SPINK8: variants seen among roughly 807,000 people sequenced by gnomAD.
The protein encoded by SPINK8 is serine protease inhibitor Kazal-type 8.
Under a neutral mutation model 14.4 loss-of-function variants are expected in SPINK8, and 12 were observed. The observed-to-expected ratio is 0.83, with a 90% confidence interval of 0.53 to 1.35. SPINK8 has a LOEUF of 1.35. Ranked by LOEUF, SPINK8 falls within the 40% of genes most tolerant of loss-of-function variation. SPINK8 has a pLI of 0.00. For missense variants in SPINK8, 103 were observed against 117.0 expected (o/e 0.88, Z 0.55); for synonymous variants, 32 against 37.6 (o/e 0.85, Z 0.55).
chr3:48,307,725 C>A (rs1398544841), intron 7 of SPINK8, among the ~76,000 whole-genome samples: 1 of 151,948 alleles, frequency 6.6e-6, no homozygotes, highest in East Asian at 1.9e-4. Context: ...TGAGTTCATT[C>A]AAGTGTACAT....
intron 7 of SPINK8, 53 bp from the exon 8 acceptor site, chr3:48,307,056 A>G: frequency 6.4e-7 from 1 of 1,564,962 alleles, no homozygotes; most frequent in Non-Finnish European, 8.8e-7. Flanking sequence ...GTTAAGAGAA[A>G]AGCCACCACA....
intron 6 of SPINK8, among the ~76,000 whole-genome samples, chr3:48,310,424 T>C (rs919020719): frequency 2.6e-5 from 4 of 151,764 alleles, no homozygotes; most frequent in Non-Finnish European, 5.9e-5. Context: ...CAAGTAAAGA[T>C]ACTGAATCAG....
intron 6 of SPINK8, among the ~76,000 whole-genome samples, chr3:48,317,221 G>T (rs1023827264): frequency 6.6e-6 from 1 of 152,216 alleles, no homozygotes; most frequent in African/African-American, 2.4e-5. Context: ...GGGTGTAGTG[G>T]CTCATGCCTG....
intron 7 of SPINK8, among the ~76,000 whole-genome samples, chr3:48,307,644 A>G (rs1449393461): frequency 6.8e-6 from 1 of 146,404 alleles, no homozygotes; most frequent in Non-Finnish European, 1.5e-5. Context: ...GTTCATCATT[A>G]TGGTTGGCTC....
chr3:48,325,918 T>TC (rs1553787981), intron 4 of SPINK8, among the ~76,000 whole-genome samples: 2 of 150,448 alleles, frequency 1.3e-5, no homozygotes, highest in African/African-American at 4.9e-5. Flanking sequence ...TTCTTTTCTT[T>TC]TTTTTTTTTT....
intron 6 of SPINK8, among the ~76,000 whole-genome samples, chr3:48,314,641 T>A (rs1182984522): frequency 6.6e-6 from 1 of 152,224 alleles, no homozygotes; most frequent in African/African-American, 2.4e-5. Context: ...AAGCTTTTAT[T>A]TGACCATACT....
At chr3:48,308,414 G>A (rs991377594) in intron 7 of SPINK8, among the ~76,000 whole-genome samples, 1 of 152,140 alleles carries the variant, frequency 6.6e-6, no homozygotes, top group African/African-American at 2.4e-5. Context: ...AAATTTTCAG[G>A]TGGTCTCCTA....
chr3:48,312,725 G>A (rs1237422215), intron 6 of SPINK8, among the ~76,000 whole-genome samples: 4 of 151,746 alleles, frequency 2.6e-5, no homozygotes, highest in African/African-American at 4.8e-5. Flanking sequence ...GGGGCCGGGC[G>A]TGGTGGCTCA....
At chr3:48,324,443 C>G (rs2036113495) in intron 4 of SPINK8, among the ~76,000 whole-genome samples, 1 of 152,146 alleles carries the variant, frequency 6.6e-6, no homozygotes, top group African/African-American at 2.4e-5. Flanking sequence ...TTACTTCTTC[C>G]AATCCTATCT....
Position 48,309,781 on chromosome 3 carries a change from G to A in SPINK8, c.282+123C>T, listed in dbSNP as rs147469925. 1.7e-4 allele frequency: 216 copies of A among 1,286,712 alleles called. No homozygotes were observed. In the African/African-American group the frequency reaches 3.2e-3, roughly 19 times the overall value. The allele number at this position is 1,286,712 out of a possible 1,614,324, so 79.7% of individuals were successfully genotyped here. A position where few individuals can be genotyped will look rare whatever the true frequency, so the allele number is the denominator to read the frequency against. On this transcript the variant is annotated intron_variant, in intron 7 of 7. Coordinates refer to ENST00000434006, the MANE Select transcript of SPINK8 (RefSeq NM_001080525.3). ...TGATAGGCTTATGGGATCTATTATT[G>A]GCTCTACTTTTATGTATGTTTGAAA...
intron 6 of SPINK8, among the ~76,000 whole-genome samples, chr3:48,312,475 T>G (rs1265070012): frequency 6.6e-6 from 1 of 151,734 alleles, no homozygotes; most frequent in African/African-American, 2.4e-5. Context: ...AAACCCAATC[T>G]CTATTAAAAA....
At chr3:48,311,948 A>G (rs1466053468) in intron 6 of SPINK8, among the ~76,000 whole-genome samples, 1 of 152,186 alleles carries the variant, frequency 6.6e-6, no homozygotes, top group Non-Finnish European at 1.5e-5. Context: ...TTGAAAAAGA[A>G]ACAAAATTGG....
At chr3:48,310,607 C>T (rs991332527) in intron 6 of SPINK8, among the ~76,000 whole-genome samples, 1 of 151,746 alleles carries the variant, frequency 6.6e-6, no homozygotes, top group Non-Finnish European at 1.5e-5. Context: ...AAGCAATTCT[C>T]CTGCCTCAGC....
rs372156879 is a variant in SPINK8, at chr3:48,308,353, C to T, written c.283-1350G>A. Among the ~76,000 whole-genome samples, 188 of 152,252 alleles carry T rather than the reference C, an allele frequency of 1.2e-3. 3 individuals are homozygous for T. The highest frequency in any genetic ancestry group is 3.2e-3 in the African/African-American group (134 of 41,556). On this transcript the variant is annotated intron_variant, in intron 7 of 7. Transcript: ENST00000434006. ...TTTATAAAAGCAATATTAATTATAT[C>T]AACAATTTCATCAGAGCCTTGGTAG...
chr3:48,329,578 T>A (rs2036188653), intron 2 of SPINK8, among the ~76,000 whole-genome samples: 1 of 152,268 alleles, frequency 6.6e-6, no homozygotes, highest in African/African-American at 2.4e-5. Flanking sequence ...CATCTGCATG[T>A]GCAGTTATTT....
chr3:48,316,696 C>A (rs1305055701), intron 6 of SPINK8, among the ~76,000 whole-genome samples: 4 of 152,012 alleles, frequency 2.6e-5, no homozygotes, highest in South Asian at 2.1e-4. Flanking sequence ...TCACTTGAGC[C>A]CAGGAGGTCG....
At chr3:48,317,604 C>A (rs968511246) in intron 6 of SPINK8, among the ~76,000 whole-genome samples, 1 of 152,038 alleles carries the variant, frequency 6.6e-6, no homozygotes. Flanking sequence ...CAAGCTCCAC[C>A]TCTCAGGTTC....
chr3:48,320,009 A>G (rs1230444333), intron 5 of SPINK8, among the ~76,000 whole-genome samples: 1 of 151,936 alleles, frequency 6.6e-6, no homozygotes. Context: ...GGGCGCCTGT[A>G]GTCCCAGCTG....
chr3:48,320,440 C>T (rs1447473408), intron 5 of SPINK8, among the ~76,000 whole-genome samples: 5 of 149,796 alleles, frequency 3.3e-5, no homozygotes, highest in African/African-American at 4.9e-5. Context: ...CCAAGCTACT[C>T]GGGAGGCTGA....
Sources: gnomAD v4.1 joint callset for allele counts (sites outside exome capture counted in the v4.1 genomes callset) on GRCh38, gnomAD v4.1.1 for gene constraint, MANE v1.5 for transcripts, NCBI Gene and HGNC (gene_info 2026-07-23, HGNC 2026-07-21) for gene names.